The following MGRN1 variants were observed in gnomAD, a reference collection of about 807,000 sequenced individuals.
The protein encoded by MGRN1 is E3 ubiquitin-protein ligase MGRN1.
A neutral mutation model predicts 69.2 loss-of-function variants in MGRN1; 29 were observed. The ratio of observed to expected loss-of-function variants is 0.42; its 90% CI spans 0.31 to 0.57. MGRN1 has a LOEUF of 0.57. Ranked by LOEUF, MGRN1 falls within the 20% of genes least tolerant of loss-of-function variation. The pLI is 0.15. For missense variants in MGRN1, 998 were observed against 796.2 expected (o/e 1.25, Z -3.05); for synonymous variants, 470 against 344.2 (o/e 1.37, Z -4.04).
At chr16:4,681,092 C>T (rs2079172145) in intron 12 of MGRN1, among the ~76,000 whole-genome samples, 1 of 152,236 alleles carries the variant, frequency 6.6e-6, no homozygotes, top group Non-Finnish European at 1.5e-5. Flanking sequence ...TGGAGCAGGT[C>T]AGCCCCCAGA....
chr16:4,665,666 C>CT (rs2078787080), intron 7 of MGRN1, among the ~76,000 whole-genome samples: 4 of 146,474 alleles, frequency 2.7e-5, no homozygotes, highest in African/African-American at 1.0e-4. Flanking sequence ...ACGTGCCCGG[C>CT]CTTTTTTTTT....
rs553031730 is a variant in MGRN1 at position 4,677,207 on chromosome 16, C to T, written c.956-256C>T. The T allele has an allele frequency of 3.2e-5, 12 of 377,988 alleles. No homozygotes were observed. In the South Asian group the frequency reaches 8.6e-4, roughly 27 times the overall value. The allele number at this position is 377,988 out of a possible 1,614,324, so 23.4% of individuals were successfully genotyped here. ...AATACTGTGTTTGCGGGAGTTCTGT[C>T]TCTCGTCTTTGGAGCGCCCCCTCCC... On this transcript the variant is annotated intron_variant, in intron 10 of 16. Coordinates refer to ENST00000262370, the MANE Select transcript of MGRN1 (RefSeq NM_015246.4).
chr16:4,687,261 G>C, intron 16 of MGRN1: 1 of 985,448 alleles, frequency 1.0e-6, no homozygotes, highest in African/African-American at 1.7e-5. Flanking sequence ...TTTTACAGAA[G>C]GCGGCTCTGT....
chr16:4,627,817 A>T (rs1897762352), intron 1 of MGRN1, among the ~76,000 whole-genome samples: 2 of 148,420 alleles, frequency 1.3e-5, no homozygotes, highest in South Asian at 4.3e-4. Flanking sequence ...GCGGTGGTTC[A>T]CGCCTGTAAT....
Position 4,688,852 on chromosome 16 carries a change from C to T in MGRN1, c.1675C>T (p.Pro559Ser), listed in dbSNP as rs2079396798. 6.4e-7 allele frequency: 1 copy of T among 1,555,450 alleles called. No individual in the cohort carries two copies. The highest frequency in any genetic ancestry group is 1.4e-5 in the African/African-American group (1 of 73,378). ...HGLATTSPTW[P>S]PLGGPSPDPS... ...CCTCGCCACCACCAGCCCCACCTGG[C>T]CTCCACTTGGTGGCCCCAGCCCCGA... The change falls in exon 17 of 17, where the codon CCT (proline) becomes TCT (serine). Residue 559 changes from proline (P) to serine (S), a missense_variant. Transcript: ENST00000262370.
chr16:4,626,179 G>T (rs1233968179), intron 1 of MGRN1, among the ~76,000 whole-genome samples: 2 of 152,246 alleles, frequency 1.3e-5, no homozygotes, highest in African/African-American at 4.8e-5. Flanking sequence ...CTGGGATGAA[G>T]TGAGGGGAAC....
chr16:4,628,094 A>AG (rs1300020743), intron 1 of MGRN1, among the ~76,000 whole-genome samples: 1 of 144,250 alleles, frequency 6.9e-6, no homozygotes. Context: ...AAAAAAAAAA[A>AG]AAAGAATTGT....
At chr16:4,646,169 G>T (rs2078270781) in intron 1 of MGRN1, among the ~76,000 whole-genome samples, 1 of 152,128 alleles carries the variant, frequency 6.6e-6, no homozygotes, top group African/African-American at 2.4e-5. Context: ...GGTGGCTCAC[G>T]CCTGTAATCC....
intron 16 of MGRN1, chr16:4,686,709 G>A (rs1333417889): frequency 2.0e-6 from 2 of 1,023,288 alleles, no homozygotes; most frequent in Non-Finnish European, 1.2e-6. Context: ...GGAGACATGG[G>A]GTGAGCGTCC....
chr16:4,633,074 C>G (rs986492447), intron 1 of MGRN1, among the ~76,000 whole-genome samples: 1 of 151,432 alleles, frequency 6.6e-6, no homozygotes. Context: ...CAGAGTGAGA[C>G]TCTGTCTCTA....
At chr16:4,680,152 C>A (rs1326937553) in intron 12 of MGRN1, 55 bp downstream of exon 12, 2 of 1,548,904 alleles carry the variant, frequency 1.3e-6, no homozygotes, top group Non-Finnish European at 1.8e-6. Context: ...ATTTTTAAAC[C>A]CACGACAAGT....
intron 13 of MGRN1, among the ~76,000 whole-genome samples, chr16:4,682,371 C>T (rs555496754): frequency 7.1e-4 from 108 of 152,344 alleles, no homozygotes; most frequent in African/African-American, 2.3e-3. Flanking sequence ...TATAGAGCGG[C>T]GGCTGCCAGG....
intron 7 of MGRN1, among the ~76,000 whole-genome samples, chr16:4,667,813 C>T (rs1038022757): frequency 1.3e-5 from 2 of 152,154 alleles, no homozygotes; most frequent in Non-Finnish European, 2.9e-5. Context: ...TGTGTGTGCA[C>T]CACTGTGCGT....
chr16:4,681,865 ATG>A, intron 13 of MGRN1, 89 bp downstream of exon 13: 1 of 1,327,244 alleles, frequency 7.5e-7, no homozygotes, highest in Middle Eastern at 2.6e-4. Flanking sequence ...TCAGTTTGTG[ATG>A]TGTTCTGTGT....
At position 4,664,458 on chromosome 16, in the gene MGRN1, T is replaced by C. The variant is rs997384332; in HGVS notation, c.562-251T>C. Reference sequence around the variant, plus strand: ...GGATGGTGGCGGTTGCATGACATTATAGATGTACTTTACTCAACGCTGTTG... The same window carrying C: ...GGATGGTGGCGGTTGCATGACATTACAGATGTACTTTACTCAACGCTGTTG... On this transcript the variant is annotated intron_variant, in intron 5 of 16. Transcript: ENST00000262370. 8 of 559,248 alleles carry C rather than the reference T, an allele frequency of 1.4e-5. No individual in the cohort carries two copies. In the Admixed American group the frequency reaches 2.0e-4, roughly 14 times the overall value. 34.6% of individuals were successfully genotyped at this position (559,248 alleles called of 1,614,324 possible).
chr16:4,660,452 G>GCACTGT (rs1450449883), intron 5 of MGRN1, among the ~76,000 whole-genome samples: 1 of 152,210 alleles, frequency 6.6e-6, no homozygotes, highest in Non-Finnish European at 1.5e-5. Flanking sequence ...CACCAGTAAA[G>GCACTGT]CACTGTCAGC....
chr16:4,652,180 A>G, intron 3 of MGRN1, 129 bp downstream of exon 3: 1 of 815,990 alleles, frequency 1.2e-6, no homozygotes, highest in South Asian at 1.6e-5. Flanking sequence ...CCCGTGTGGA[A>G]TGAGAGGCTG....
At position 4,689,016 on chromosome 16, in the gene MGRN1, C is replaced by T. The variant is rs536254232; in HGVS notation, c.*108C>T. 2.8e-5 allele frequency: 39 copies of T among 1,393,850 alleles called. No individual in the cohort carries two copies. Among genetic ancestry groups the T allele is most frequent in the Middle Eastern group, 2.6e-4 (1 of 3,862 alleles). 86.3% of individuals were successfully genotyped at this position (1,393,850 alleles called of 1,614,324 possible). On this transcript the variant is annotated 3_prime_UTR_variant, in exon 17 of 17. Transcript: ENST00000262370. ...CCTCCTGTCTGCATGCCCCCTGTGG[C>T]CACCAGGCTCCGAGGGGCCGTGGTG... is the stretch of plus-strand genomic sequence containing the variant.
chr16:4,647,026 T>G (rs1301406656), intron 1 of MGRN1, among the ~76,000 whole-genome samples: 1 of 150,552 alleles, frequency 6.6e-6, no homozygotes, highest in Admixed American at 6.6e-5. Context: ...CCTGGAAGGG[T>G]GGGGGCTGAT....
Sources: allele counts gnomAD v4.1 joint callset (sites outside exome capture counted in the v4.1 genomes callset), GRCh38; gene constraint gnomAD v4.1.1; transcripts MANE v1.5; gene names NCBI Gene and HGNC (gene_info 2026-07-23, HGNC 2026-07-21).